The following SCTR variants were observed in gnomAD, a reference collection of about 807,000 sequenced individuals.
SCTR encodes the protein secretin receptor.
A neutral mutation model predicts 60.8 loss-of-function variants in SCTR; 56 were observed. That is an observed-to-expected ratio of 0.92 (90% CI 0.74 to 1.15). SCTR has a LOEUF of 1.15. Ranked by LOEUF, SCTR falls within the 50% of genes most tolerant of loss-of-function variation. SCTR has a pLI of 0.00. For missense variants in SCTR, 562 were observed against 550.4 expected (o/e 1.02, Z -0.21); for synonymous variants, 202 against 217.0 (o/e 0.93, Z 0.61).
chr2:119,517,861 C>A (rs2104954670), intron 1 of SCTR, among the ~76,000 whole-genome samples: 1 of 152,214 alleles, frequency 6.6e-6, no homozygotes, highest in Middle Eastern at 3.4e-3. Flanking sequence ...GAATGTGTCT[C>A]CACTAAATTC....
chr2:119,499,931 GAAAT>G (rs895296778), intron 1 of SCTR, among the ~76,000 whole-genome samples: 2 of 151,908 alleles, frequency 1.3e-5, no homozygotes, highest in Non-Finnish European at 2.9e-5. Flanking sequence ...ACAAGAAAAA[GAAAT>G]AAAGGCATAC....
intron 8 of SCTR, among the ~76,000 whole-genome samples, chr2:119,452,340 G>A (rs1208029349): frequency 1.3e-5 from 2 of 152,198 alleles, no homozygotes; most frequent in East Asian, 3.9e-4. Context: ...TTAGCTTACT[G>A]TCAGAATTCA....
chr2:119,485,364 G>C (rs1677817825), intron 2 of SCTR, among the ~76,000 whole-genome samples: 1 of 152,198 alleles, frequency 6.6e-6, no homozygotes, highest in Non-Finnish European at 1.5e-5. Flanking sequence ...CTGCCCACAG[G>C]GATAGAGAGG....
rs867234071 is a variant in SCTR, at chr2:119,494,423, C to T, written c.193+5G>A. On this transcript the variant is annotated splice_donor_5th_base_variant and intron_variant, in intron 2 of 12. Transcript: ENST00000019103. ...AGAGGACATGGGCTGTGGCAAGCCT[C>T]ATACCTGGCACTGGCTGCTCCGTGC... 6.2e-7 allele frequency: 1 copy of T among 1,613,514 alleles called. No individual in the cohort carries two copies. The highest frequency in any genetic ancestry group is 8.5e-7 in the Non-Finnish European group (1 of 1,179,712).
chr2:119,521,517 A>T (rs574567402), intron 1 of SCTR, among the ~76,000 whole-genome samples: 92 of 151,972 alleles, frequency 6.1e-4, no homozygotes, highest in Non-Finnish European at 1.3e-3. Flanking sequence ...TTCTCATGAG[A>T]TGTATGGGGG....
intron 7 of SCTR, among the ~76,000 whole-genome samples, chr2:119,456,802 C>G (rs913195593): frequency 4.6e-5 from 7 of 152,162 alleles, no homozygotes; most frequent in African/African-American, 1.7e-4. Context: ...TGATTGGCAT[C>G]CTTATAAGAA....
intron 2 of SCTR, among the ~76,000 whole-genome samples, chr2:119,481,473 C>A (rs532661621): frequency 2.0e-5 from 3 of 152,194 alleles, no homozygotes; most frequent in African/African-American, 7.2e-5. Context: ...AAGAATTCCC[C>A]AAAAATGCCG....
chr2:119,456,901 C>T (rs2104786544), intron 7 of SCTR, among the ~76,000 whole-genome samples: 1 of 152,174 alleles, frequency 6.6e-6, no homozygotes, highest in South Asian at 2.1e-4. Flanking sequence ...CAACTACAAA[C>T]CAAGGAATGC....
chr2:119,505,079 G>A (rs1274436856), intron 1 of SCTR, among the ~76,000 whole-genome samples: 1 of 152,138 alleles, frequency 6.6e-6, no homozygotes, highest in African/African-American at 2.4e-5. Context: ...TACACTGTTG[G>A]TGGAACTGTA....
chr2:119,469,292 G>A (rs1193246864), intron 4 of SCTR, among the ~76,000 whole-genome samples: 1 of 152,178 alleles, frequency 6.6e-6, no homozygotes, highest in East Asian at 1.9e-4. Flanking sequence ...GCAAGAGCCT[G>A]AAGAGGCACA....
chr2:119,481,569 T>C (rs72834807), intron 2 of SCTR, among the ~76,000 whole-genome samples: 10,409 of 152,258 alleles, frequency 0.068, 715 homozygotes, highest in African/African-American at 0.18. Flanking sequence ...TTTCTAGGCT[T>C]AGCCCTACCC....
intron 9 of SCTR, among the ~76,000 whole-genome samples, chr2:119,450,552 C>A (rs979565784): frequency 3.3e-5 from 5 of 149,462 alleles, no homozygotes; most frequent in Non-Finnish European, 7.4e-5. Flanking sequence ...AAAAAAAAAA[C>A]CTAATTAAGG....
intron 2 of SCTR, chr2:119,484,849 A>C (rs1230575434): frequency 6.6e-6 from 1 of 152,446 alleles, no homozygotes; most frequent in Admixed American, 6.5e-5. Flanking sequence ...ATTCCCAGAG[A>C]CTGGGGAGAG....
At chr2:119,465,321 C>G (rs1335571203) in intron 5 of SCTR, among the ~76,000 whole-genome samples, 3 of 152,166 alleles carry the variant, frequency 2.0e-5, no homozygotes, top group Non-Finnish European at 4.4e-5. Context: ...GAGGCCAACC[C>G]AGAGCAGTGG....
At chr2:119,465,728 G>A (rs1683803382) in intron 5 of SCTR, 61 bp downstream of exon 5, 1 of 1,152,236 alleles carries the variant, frequency 8.7e-7, no homozygotes. Context: ...TGGTTGAGAA[G>A]AGACCCAAAG....
rs190385860 is a variant in SCTR at position 119,472,850 on chromosome 2, C to G, written c.405+603G>C. 2.9e-3 allele frequency among the ~76,000 whole-genome samples: 442 copies of G among 152,224 alleles called. 3 individuals are homozygous for G. Among genetic ancestry groups the G allele is most frequent in the Admixed American group, 5.6e-3 (86 of 15,294 alleles). On this transcript the variant is annotated intron_variant, in intron 4 of 12. Transcript: ENST00000019103. Reference sequence around the variant, plus strand: ...GTAGATCCAATGTTTCACTATGTTGCCCTGGCCTCAGGCAATCCTCCCACC... The same window carrying G: ...GTAGATCCAATGTTTCACTATGTTGGCCTGGCCTCAGGCAATCCTCCCACC...
chr2:119,506,404 C>T (rs116227159), intron 1 of SCTR, among the ~76,000 whole-genome samples: 2,278 of 152,108 alleles, frequency 0.015, 27 homozygotes, highest in South Asian at 0.034. Flanking sequence ...GAAGCTAATG[C>T]GAAGAAATTA....
At chr2:119,444,908 TATATTCGTACGAATATACAC>T (rs1682858429) in intron 11 of SCTR, among the ~76,000 whole-genome samples, 1 of 18,182 alleles carries the variant, frequency 5.5e-5, no homozygotes, top group Non-Finnish European at 9.0e-5. Context: ...TATATATACA[TATATTCGTACGAATATACAC>T]ATATATTCGT....
intron 7 of SCTR, among the ~76,000 whole-genome samples, chr2:119,459,847 T>C (rs1683529284): frequency 6.6e-6 from 1 of 152,144 alleles, no homozygotes; most frequent in South Asian, 2.1e-4. Flanking sequence ...ATATTATAGA[T>C]GGGAAAACGG....
Sources: gnomAD v4.1 joint callset for allele counts (sites outside exome capture counted in the v4.1 genomes callset) on GRCh38, gnomAD v4.1.1 for gene constraint, MANE v1.5 for transcripts, NCBI Gene and HGNC (gene_info 2026-07-23, HGNC 2026-07-21) for gene names.